ALG13: variants seen among roughly 807,000 people sequenced by gnomAD.
ALG13 encodes ALG13 UDP-N-acetylglucosaminyltransferase subunit.
ALG13 carries 11 observed loss-of-function variants against 87.8 expected under a neutral mutation model. The ratio of observed to expected loss-of-function variants is 0.13; its 90% CI spans 0.08 to 0.21. ALG13 has a LOEUF of 0.21. Ranked by LOEUF, ALG13 falls within the 10% of genes least tolerant of loss-of-function variation. The pLI, the probability that ALG13 is intolerant of heterozygous loss-of-function variation, is 1.00. For synonymous variants in ALG13, 320 were observed against 306.3 expected, an observed-to-expected ratio of 1.04 and a Z score of -0.47; for missense variants, 756 against 866.1, an observed-to-expected ratio of 0.87 and a Z score of 1.60.
intron 3 of ALG13, chrX:111,689,478 T>C: frequency 1.3e-6 from 1 of 753,925 alleles, no homozygotes; most frequent in South Asian, 6.7e-5. Context: ...TGCTATCTAC[T>C]TCCCCAGAAT....
At chrX:111,752,638 A>G in intron 24 of ALG13, 152 bp from the exon 25 acceptor site, 1 of 390,728 alleles carries the variant, frequency 2.6e-6, no homozygotes, top group South Asian at 3.9e-5. Flanking sequence ...ATGGTCTTGA[A>G]CTCCTGACCT....
At chrX:111,704,437 G>A (rs1253893196) in intron 3 of ALG13, among the ~76,000 whole-genome samples, 5 of 111,986 alleles carry the variant, frequency 4.5e-5, no homozygotes, top group African/African-American at 1.6e-4. Context: ...TAGCCCAAAA[G>A]TGGAAACAAC....
chrX:111,724,462 A>C (rs2148184838), intron 14 of ALG13, among the ~76,000 whole-genome samples: 1 of 112,411 alleles, frequency 8.9e-6, no homozygotes, highest in Non-Finnish European at 1.9e-5. Flanking sequence ...TAAAACAGTA[A>C]GGTCCTTCCT....
At chrX:111,705,436 C>T (rs189765886) in intron 3 of ALG13, among the ~76,000 whole-genome samples, 42 of 111,382 alleles carry the variant, frequency 3.8e-4, no homozygotes, top group African/African-American at 1.3e-3. Context: ...CTTGTATTTT[C>T]ATTCTCCTAA....
intron 24 of ALG13, among the ~76,000 whole-genome samples, chrX:111,746,195 AAATGTAC>A (rs1248007314): frequency 1.8e-5 from 2 of 111,917 alleles, no homozygotes; most frequent in Admixed American, 1.9e-4. Flanking sequence ...ACATATAATG[AAATGTAC>A]AAAACTTAAA....
chrX:111,751,906 GTT>G (rs1391624621), intron 24 of ALG13, among the ~76,000 whole-genome samples: 1 of 111,801 alleles, frequency 8.9e-6, no homozygotes, highest in East Asian at 2.8e-4. Context: ...GCTAAGAACA[GTT>G]TTTGTTCATT....
At chrX:111,726,232 GTTTTTTTTTTTTTTT>G (rs1213050998) in intron 15 of ALG13, among the ~76,000 whole-genome samples, 1 of 60,225 alleles carries the variant, frequency 1.7e-5, no homozygotes, top group Non-Finnish European at 3.0e-5. Flanking sequence ...GGCGTGTTTT[GTTTTTTTTTTTTTTT>G]TTTTTTGAGA....
At chrX:111,686,077 A>G in intron 3 of ALG13, 1 of 799,467 alleles carries the variant, frequency 1.3e-6, no homozygotes, top group Non-Finnish European at 1.7e-6. Flanking sequence ...ATTAGAATTC[A>G]ACAGGAACTG....
At chrX:111,743,992 CT>C (rs1426567579) in intron 23 of ALG13, 3 of 111,183 alleles carry the variant, frequency 2.7e-5, no homozygotes, top group African/African-American at 9.8e-5. Flanking sequence ...ACATTGTTTC[CT>C]TTATTGTCAT....
intron 23 of ALG13, among the ~76,000 whole-genome samples, chrX:111,741,558 A>G (rs1943736470): frequency 1.8e-5 from 2 of 112,049 alleles, no homozygotes; most frequent in African/African-American, 6.5e-5. Flanking sequence ...CATGCCTGTA[A>G]TCCCAGCACT....
chrX:111,721,787 C>CTTTTATAACAGTATT, intron 12 of ALG13, 76 bp downstream of exon 12: 1 of 563,374 alleles, frequency 1.8e-6, no homozygotes. Flanking sequence ...TGGTGAACAT[C>CTTTTATAACAGTATT]TCTTATAAGA....
At chrX:111,750,817 G>A (rs1299735000) in intron 24 of ALG13, among the ~76,000 whole-genome samples, 1 of 109,115 alleles carries the variant, frequency 9.2e-6, no homozygotes, top group Non-Finnish European at 1.9e-5. Context: ...ACAGGCACCC[G>A]CCACCATGCC....
rs1414209727 is a variant in ALG13, at chrX:111,727,324, ATTC to A, written c.1977-5_1977-3del. On this transcript the variant is annotated splice_polypyrimidine_tract_variant and splice_region_variant and intron_variant, in intron 16 of 26. Transcript: ENST00000394780. Reference sequence around the variant, plus strand: ...GAGAGTTCTAGTTTCCTTTCTCTTTATTCTTAGGAATTCATCTCGGTTTATAAA... The same window carrying A: ...GAGAGTTCTAGTTTCCTTTCTCTTTATTAGGAATTCATCTCGGTTTATAAA... The A allele has an allele frequency of 8.4e-7, 1 of 1,184,782 alleles. No homozygotes were observed. The highest frequency in any genetic ancestry group is 2.2e-5 in the Admixed American group (1 of 45,439).
intron 18 of ALG13, among the ~76,000 whole-genome samples, chrX:111,727,973 A>G (rs1288389550): frequency 2.7e-5 from 3 of 112,438 alleles, no homozygotes; most frequent in Non-Finnish European, 5.6e-5. Flanking sequence ...TCTTGCCTAT[A>G]GAGTATGGGT....
At position 111,760,110 on chromosome X, in the gene ALG13, T is replaced by C. The variant is rs900692607; in HGVS notation, c.*111T>C. The C allele has an allele frequency of 2.0e-5, 16 of 795,728 alleles. No homozygotes were observed. Among genetic ancestry groups the C allele is most frequent in the South Asian group, 3.1e-5 (1 of 31,959 alleles). The allele number at this position is 795,728 out of a possible 1,213,427, so 65.6% of individuals were successfully genotyped here. On this transcript the variant is annotated 3_prime_UTR_variant, in exon 27 of 27. Coordinates refer to ENST00000394780, the MANE Select transcript of ALG13 (RefSeq NM_001099922.3). ...TTTAGGTGATTAGTGTTTACTATTGTATTTGTCTTTAAAATTATTTTATCT... is the reference window on the plus strand; with the variant it reads ...TTTAGGTGATTAGTGTTTACTATTGCATTTGTCTTTAAAATTATTTTATCT...
At chrX:111,689,120 AGGT>A (rs1935663381) in intron 3 of ALG13, 1 of 649,674 alleles carries the variant, frequency 1.5e-6, no homozygotes, top group East Asian at 1.6e-4. Flanking sequence ...TAGTGGTAGA[AGGT>A]GGTGACAAAG....
intron 5 of ALG13, among the ~76,000 whole-genome samples, chrX:111,710,430 G>A (rs947432351): frequency 1.4e-4 from 16 of 111,450 alleles, no homozygotes; most frequent in Non-Finnish European, 2.6e-4. Context: ...TTAAAACTAC[G>A]TAAATGAATC....
chrX:111,685,673 GT>G (rs1934748200), intron 3 of ALG13, among the ~76,000 whole-genome samples: 1 of 112,250 alleles, frequency 8.9e-6, no homozygotes, highest in Admixed American at 9.4e-5. Context: ...GGTATTTCAT[GT>G]GGTGAAATGT....
chrX:111,747,253 A>G (rs1056823459), intron 24 of ALG13, among the ~76,000 whole-genome samples: 2 of 111,900 alleles, frequency 1.8e-5, no homozygotes, highest in South Asian at 3.7e-4. Context: ...ACTCCTGTCA[A>G]TCACTGATTT....
Sources: gnomAD v4.1 joint callset for allele counts (sites outside exome capture counted in the v4.1 genomes callset) on GRCh38, gnomAD v4.1.1 for gene constraint, MANE v1.5 for transcripts, NCBI Gene and HGNC (gene_info 2026-07-23, HGNC 2026-07-21) for gene names.